The following OPCML variants were observed in gnomAD, a reference collection of about 807,000 sequenced individuals.
OPCML encodes opioid binding protein/cell adhesion molecule like, also known as opioid-binding protein/cell adhesion molecule.
In OPCML, 13 loss-of-function variants were observed where a neutral mutation model predicts 37.8. That is an observed-to-expected ratio of 0.34 (90% confidence interval 0.22 to 0.55). OPCML has a LOEUF of 0.55. OPCML is among the 20% of genes least tolerant of loss of function. OPCML has a pLI of 0.91. For synonymous variants in OPCML, 176 were observed against 168.8 expected (o/e 1.04, Z -0.33); for missense variants, 341 against 435.6 (o/e 0.78, Z 1.93).
At chr11:132,654,739 C>T (rs185066428) in intron 3 of OPCML, among the ~76,000 whole-genome samples, 58 of 112,918 alleles carry the variant, frequency 5.1e-4, no homozygotes, top group African/African-American at 1.5e-3. Context: ...CCCCAAGAGA[C>T]GCTCCTCCCC....
In OPCML at chr11:132,563,377, T is replaced by A. The variant is rs186253136; in HGVS notation, c.380-34191A>T. 2.5e-4 allele frequency among the ~76,000 whole-genome samples: 38 copies of A among 152,136 alleles called. 1 individual carries two copies. The East Asian group carries it at 7.2e-3, about 29-fold the overall frequency. On this transcript the variant is annotated intron_variant, in intron 3 of 7. Coordinates refer to ENST00000524381, the MANE Select transcript of OPCML (RefSeq NM_001012393.5). Reference sequence around the variant, plus strand: ...TGAGTGAGAAAGAGGTGTGTGTATGTTTCTGTATTTGGGTGCCTTACTTCT... The same window carrying A: ...TGAGTGAGAAAGAGGTGTGTGTATGATTCTGTATTTGGGTGCCTTACTTCT...
chr11:132,529,751 T>C (rs1242768421), intron 3 of OPCML, among the ~76,000 whole-genome samples: 2 of 152,214 alleles, frequency 1.3e-5, no homozygotes, highest in Non-Finnish European at 2.9e-5. Context: ...AATCATCCCT[T>C]AAGACACATC....
intron 4 of OPCML, among the ~76,000 whole-genome samples, chr11:132,476,217 C>T (rs553959378): frequency 1.3e-5 from 2 of 152,152 alleles, no homozygotes; most frequent in Non-Finnish European, 2.9e-5. Context: ...TAAAAAAGTG[C>T]TACTTCCCTT....
chr11:132,831,495 G>A (rs980838454), intron 2 of OPCML, among the ~76,000 whole-genome samples: 11 of 152,200 alleles, frequency 7.2e-5, no homozygotes, highest in African/African-American at 2.4e-4. Context: ...AATCAGTCTT[G>A]CTTCATCAGA....
At chr11:133,343,082 G>A (rs961963914) in intron 1 of OPCML, among the ~76,000 whole-genome samples, 1 of 152,052 alleles carries the variant, frequency 6.6e-6, no homozygotes, top group Admixed American at 6.6e-5. Context: ...TCCCAGCTGG[G>A]CCTCCCAAAT....
chr11:133,178,411 G>A (rs1356928078), intron 1 of OPCML, among the ~76,000 whole-genome samples: 5 of 151,978 alleles, frequency 3.3e-5, no homozygotes, highest in African/African-American at 7.3e-5. Flanking sequence ...GACCTTCTGC[G>A]ATCTGGAAGG....
At chr11:133,384,361 A>T (rs1944999684) in intron 1 of OPCML, among the ~76,000 whole-genome samples, 1 of 152,018 alleles carries the variant, frequency 6.6e-6, no homozygotes, top group Non-Finnish European at 1.5e-5. Context: ...CTCCCTTCCA[A>T]GCTACAGGTC....
chr11:132,517,841 T>C (rs936220531), intron 4 of OPCML, among the ~76,000 whole-genome samples: 1 of 152,150 alleles, frequency 6.6e-6, no homozygotes, highest in Admixed American at 6.5e-5. Flanking sequence ...CATCCTCCAT[T>C]CCTCCATATG....
chr11:133,240,545 G>A (rs760387195), intron 1 of OPCML, among the ~76,000 whole-genome samples: 7 of 152,042 alleles, frequency 4.6e-5, no homozygotes, highest in South Asian at 2.1e-4. Flanking sequence ...GCTAGCAGCC[G>A]GCCCACCAGG....
chr11:133,483,644 T>C (rs926161299), intron 1 of OPCML, among the ~76,000 whole-genome samples: 3 of 149,520 alleles, frequency 2.0e-5, no homozygotes, highest in Non-Finnish European at 4.4e-5. Flanking sequence ...AGATAATAGA[T>C]TAGGTAGATA....
At chr11:132,558,723 G>T (rs1348805241) in intron 3 of OPCML, among the ~76,000 whole-genome samples, 1 of 151,612 alleles carries the variant, frequency 6.6e-6, no homozygotes, top group Non-Finnish European at 1.5e-5. Context: ...AACCATAAGT[G>T]ATCATTCTAA....
intron 1 of OPCML, among the ~76,000 whole-genome samples, chr11:133,218,057 C>A (rs1939659984): frequency 7.0e-6 from 1 of 142,916 alleles, no homozygotes; most frequent in African/African-American, 2.7e-5. Flanking sequence ...AAAAAAAAAA[C>A]CCAAGCAAAC....
intron 1 of OPCML, among the ~76,000 whole-genome samples, chr11:133,460,344 G>A (rs1051366872): frequency 6.6e-6 from 1 of 151,748 alleles, no homozygotes; most frequent in Non-Finnish European, 1.5e-5. Flanking sequence ...AAAACTAGCA[G>A]AAGGAATGAA....
chr11:132,473,430 C>T (rs2007356), intron 4 of OPCML, among the ~76,000 whole-genome samples: 65,585 of 152,060 alleles, frequency 0.43, 15,530 homozygotes, highest in East Asian at 0.8. Context: ...GGAAACCTAA[C>T]TAGGTCAAGG....
chr11:133,063,966 G>A (rs1297695454), intron 1 of OPCML, among the ~76,000 whole-genome samples: 1 of 152,248 alleles, frequency 6.6e-6, no homozygotes, highest in African/African-American at 2.4e-5. Flanking sequence ...AGCCGGGATT[G>A]ATCACTTGAC....
intron 2 of OPCML, among the ~76,000 whole-genome samples, chr11:132,925,160 C>A (rs977394468): frequency 3.3e-5 from 5 of 152,176 alleles, no homozygotes; most frequent in Admixed American, 6.5e-5. Context: ...CATTACTCAT[C>A]ACTTCTTGCA....
chr11:132,569,667 C>T (rs372855405), intron 3 of OPCML, among the ~76,000 whole-genome samples: 24 of 152,136 alleles, frequency 1.6e-4, no homozygotes, highest in African/African-American at 5.3e-4. Flanking sequence ...TAGTCCTAGA[C>T]GTAATGAGAA....
At chr11:132,562,227 C>G (rs2096412229) in intron 3 of OPCML, among the ~76,000 whole-genome samples, 1 of 151,628 alleles carries the variant, frequency 6.6e-6, no homozygotes, top group African/African-American at 2.4e-5. Context: ...GTTTTCAGAG[C>G]AAGATCTATA....
At chr11:132,540,636 C>T (rs2096354071) in intron 3 of OPCML, among the ~76,000 whole-genome samples, 1 of 152,152 alleles carries the variant, frequency 6.6e-6, no homozygotes, top group South Asian at 2.1e-4. Context: ...CTCCTCTGGG[C>T]TCTATTTTGA....
Sources: allele counts gnomAD v4.1 joint callset (sites outside exome capture counted in the v4.1 genomes callset), GRCh38; gene constraint gnomAD v4.1.1; transcripts MANE v1.5; gene names NCBI Gene and HGNC (gene_info 2026-07-23, HGNC 2026-07-21).